PARD3B: variants seen among roughly 807,000 people sequenced by gnomAD.
PARD3B encodes the protein par-3 family cell polarity regulator beta, also known as partitioning defective 3 homolog B.
Under a neutral mutation model 130.2 loss-of-function variants are expected in PARD3B, and 103 were observed. That is an observed-to-expected ratio of 0.79 (90% confidence interval 0.67 to 0.93). PARD3B has a LOEUF of 0.93. Ranked by LOEUF, PARD3B falls within the 40% of genes least tolerant of loss-of-function variation. The probability of loss-of-function intolerance (pLI) is 0.00; values close to 1 mark genes in which losing one functional copy is unlikely to be tolerated. For synonymous variants in PARD3B, 583 were observed against 553.2 expected (o/e 1.05, Z -0.76); for missense variants, 1,609 against 1,499.2 (o/e 1.07, Z -1.21).
intron 18 of PARD3B, among the ~76,000 whole-genome samples, chr2:205,354,841 G>T (rs569186372): frequency 2.0e-5 from 3 of 152,092 alleles, no homozygotes; most frequent in Admixed American, 1.3e-4. Flanking sequence ...TAAACCTTAT[G>T]CAGGTTGTTA....
intron 18 of PARD3B, among the ~76,000 whole-genome samples, chr2:205,367,798 G>C (rs1335297781): frequency 6.6e-6 from 1 of 152,160 alleles, no homozygotes; most frequent in Middle Eastern, 3.2e-3. Context: ...ATTTATTTTT[G>C]TGGGATGCCT....
At chr2:205,051,954 A>G (rs1401473606) in intron 4 of PARD3B, among the ~76,000 whole-genome samples, 2 of 152,188 alleles carry the variant, frequency 1.3e-5, no homozygotes, top group African/African-American at 4.8e-5. Flanking sequence ...TCAAGACAGT[A>G]TAGCAAATCC....
At chr2:204,820,625 G>C (rs1340332503) in intron 2 of PARD3B, among the ~76,000 whole-genome samples, 1 of 151,804 alleles carries the variant, frequency 6.6e-6, no homozygotes, top group Non-Finnish European at 1.5e-5. Flanking sequence ...GACCAGCCTG[G>C]CCAACATGGT....
intron 2 of PARD3B, among the ~76,000 whole-genome samples, chr2:204,853,968 G>A (rs1290049961): frequency 6.6e-6 from 1 of 152,126 alleles, no homozygotes; most frequent in Non-Finnish European, 1.5e-5. Flanking sequence ...GTCTGTGGGA[G>A]GAATGTTATG....
At chr2:205,299,645 T>G (rs1427275087) in intron 16 of PARD3B, among the ~76,000 whole-genome samples, 3 of 91,740 alleles carry the variant, frequency 3.3e-5, no homozygotes, top group Non-Finnish European at 7.1e-5. Context: ...AGAGACTAGC[T>G]GGGGGTGGGA....
chr2:205,220,442 C>A (rs915152865), intron 15 of PARD3B, among the ~76,000 whole-genome samples: 1 of 152,134 alleles, frequency 6.6e-6, no homozygotes, highest in African/African-American at 2.4e-5. Flanking sequence ...CAGAAAAGCC[C>A]AATCCATGGG....
Position 205,269,229 on chromosome 2 carries a change from C to T in PARD3B, c.2185+23407C>T, listed in dbSNP as rs773914617. Reference sequence around the variant, plus strand: ...ACTTTATTGTAATTTTCTAATTCCTCAATGTTAAGTTCTCAATGATTAAAG... The same window carrying T: ...ACTTTATTGTAATTTTCTAATTCCTTAATGTTAAGTTCTCAATGATTAAAG... On this transcript the variant is annotated intron_variant, in intron 16 of 22. Transcript: ENST00000406610. This position sits in a 1 kb window ranked among gnomAD's most constrained non-coding sequence, Gnocchi z 4.7. Among the ~76,000 whole-genome samples the T allele has an allele frequency of 2.6e-5, 4 of 152,060 alleles. No individual in the cohort carries two copies. The highest frequency in any genetic ancestry group is 7.2e-5 in the African/African-American group (3 of 41,422).
chr2:205,523,371 G>A (rs1467152883), intron 21 of PARD3B, among the ~76,000 whole-genome samples: 1 of 151,550 alleles, frequency 6.6e-6, no homozygotes, highest in African/African-American at 2.4e-5. Context: ...GGCCTCCTGA[G>A]TAGCTGGGAT....
intron 11 of PARD3B, among the ~76,000 whole-genome samples, chr2:205,161,391 A>G (rs1050879140): frequency 2.0e-5 from 3 of 152,208 alleles, no homozygotes; most frequent in African/African-American, 7.2e-5. Flanking sequence ...GATCTTAAAC[A>G]GTAAGAGGCA....
chr2:205,583,679 C>T (rs2054088185), intron 22 of PARD3B, among the ~76,000 whole-genome samples: 1 of 152,096 alleles, frequency 6.6e-6, no homozygotes, highest in African/African-American at 2.4e-5. Flanking sequence ...CCAAATGCAA[C>T]CAAAATGAAT....
At chr2:205,348,548 A>G (rs969323126) in intron 18 of PARD3B, among the ~76,000 whole-genome samples, 8 of 152,206 alleles carry the variant, frequency 5.3e-5, no homozygotes, top group Non-Finnish European at 1.5e-5. Flanking sequence ...ACTAAATATG[A>G]AAAGGAAATG....
In PARD3B at chr2:205,057,582, TGTATAC is replaced by T. The variant is rs1447211984; in HGVS notation, c.504+9898_504+9903del. ...ATATACATATATGTATATGTGTATG[TGTATAC>T]GTATATATACATATATGTGTATGTG... On this transcript the variant is annotated intron_variant, in intron 4 of 22. Transcript: ENST00000406610. Among the ~76,000 whole-genome samples the T allele has an allele frequency of 6.5e-5, 9 of 137,814 alleles. No individual in the cohort carries two copies. In the South Asian group the frequency reaches 8.9e-4, roughly 14 times the overall value. The allele number at this position is 137,814 out of a possible 152,430, so 90.4% of individuals were successfully genotyped here.
intron 18 of PARD3B, among the ~76,000 whole-genome samples, chr2:205,394,617 C>G (rs2045962787): frequency 6.6e-6 from 1 of 152,092 alleles, no homozygotes; most frequent in South Asian, 2.1e-4. Flanking sequence ...AGTGGATAAA[C>G]AAAATATGGT....
intron 2 of PARD3B, among the ~76,000 whole-genome samples, chr2:204,757,585 C>G (rs2125401330): frequency 6.6e-6 from 1 of 152,168 alleles, no homozygotes; most frequent in South Asian, 2.1e-4. Context: ...CCTCTGCCTA[C>G]TTTTTAATGG....
At chr2:205,308,151 A>G (rs191859582) in intron 18 of PARD3B, among the ~76,000 whole-genome samples, 4 of 152,346 alleles carry the variant, frequency 2.6e-5, no homozygotes, top group East Asian at 3.9e-4. Flanking sequence ...ATTGTAATCA[A>G]TAATTAAACT....
intron 15 of PARD3B, among the ~76,000 whole-genome samples, chr2:205,205,872 A>G (rs550242500): frequency 6.6e-6 from 1 of 152,306 alleles, no homozygotes; most frequent in East Asian, 1.9e-4. Flanking sequence ...GGATTTTTGC[A>G]TCGATGTTCT....
intron 10 of PARD3B, among the ~76,000 whole-genome samples, chr2:205,131,754 T>C (rs2032019337): frequency 6.6e-6 from 1 of 152,108 alleles, no homozygotes; most frequent in Admixed American, 6.6e-5. Flanking sequence ...AGTACTAAAG[T>C]ACAATAAGAC....
At position 204,678,842 on chromosome 2, in the gene PARD3B, G is replaced by C. The variant is rs1028860376; in HGVS notation, c.121-7339G>C. Among the ~76,000 whole-genome samples, 12 of 152,086 alleles carry C rather than the reference G, an allele frequency of 7.9e-5. No individual in the cohort carries two copies. The highest frequency in any genetic ancestry group is 7.9e-4 in the Admixed American group (12 of 15,274). On this transcript the variant is annotated intron_variant, in intron 1 of 22. Transcript: ENST00000406610. This position sits in a 1 kb window ranked among gnomAD's most constrained non-coding sequence, Gnocchi z 4.2. ...GCTCGAGGGTGGGTTCTTTGCCAGG[G>C]AGCTGCCCTCTTCTATCCAGTATTT...
chr2:204,860,426 A>G (rs963213062), intron 2 of PARD3B, among the ~76,000 whole-genome samples: 15 of 152,192 alleles, frequency 9.9e-5, no homozygotes, highest in Non-Finnish European at 1.6e-4. Context: ...AGCTTGGCAG[A>G]TGGTACCGCA....
Sources: gnomAD v4.1 joint callset for allele counts (sites outside exome capture counted in the v4.1 genomes callset) on GRCh38, gnomAD v4.1.1 for gene constraint, Gnocchi (gnomAD v3.1) non-coding constraint, MANE v1.5 for transcripts, NCBI Gene and HGNC (gene_info 2026-07-23, HGNC 2026-07-21) for gene names.